Variants in YEATS2 observed in about 807,000 individuals in gnomAD.
YEATS2 encodes YEATS domain-containing protein 2.
Under a neutral mutation model 163.2 loss-of-function variants are expected in YEATS2, and 77 were observed. That is an observed-to-expected ratio of 0.47 (90% CI 0.39 to 0.57). The LOEUF (loss-of-function observed/expected upper bound fraction) is 0.57, where lower values mean the gene tolerates loss of function less well. Ranked by LOEUF, YEATS2 falls within the 20% of genes least tolerant of loss-of-function variation. The probability of loss-of-function intolerance (pLI) is 0.00; values close to 1 mark genes in which losing one functional copy is unlikely to be tolerated. For synonymous variants in YEATS2, 631 were observed against 645.1 expected (o/e 0.98, Z 0.33); for missense variants, 1,549 against 1,729.8 (o/e 0.90, Z 1.85).
At chr3:183,805,771 A>T (rs972692846) in intron 27 of YEATS2, among the ~76,000 whole-genome samples, 1 of 151,912 alleles carries the variant, frequency 6.6e-6, no homozygotes, top group Non-Finnish European at 1.5e-5. Flanking sequence ...CTTGGGTGAC[A>T]GCGCAAAACC....
chr3:183,781,453 G>A (rs192850562), intron 19 of YEATS2, among the ~76,000 whole-genome samples: 73 of 152,308 alleles, frequency 4.8e-4, no homozygotes, highest in Non-Finnish European at 7.6e-4. Flanking sequence ...CCACGTTGGC[G>A]AGGGCGGATC....
At chr3:183,766,932 C>G (rs1351596697) in intron 15 of YEATS2, among the ~76,000 whole-genome samples, 1 of 151,882 alleles carries the variant, frequency 6.6e-6, no homozygotes, top group Non-Finnish European at 1.5e-5. Flanking sequence ...GCCTCAGCCT[C>G]CCAAAGTGTT....
rs558550012 is a variant in YEATS2, at chr3:183,784,989, C to T, written c.2737-1136C>T. On this transcript the variant is annotated intron_variant, in intron 19 of 30. Transcript: ENST00000305135. ...TCGGGAGGCTGAGGCAGGAGAATCG[C>T]TTGAACCCAGGAGGCAGAGGTTGCA... Among the ~76,000 whole-genome samples the T allele has an allele frequency of 1.1e-4, 17 of 151,986 alleles. 1 individual carries two copies. In the East Asian group the frequency reaches 3.3e-3, roughly 29 times the overall value.
chr3:183,803,829 T>C, intron 26 of YEATS2, 158 bp from the exon 27 acceptor site: 1 of 488,282 alleles, frequency 2.0e-6, no homozygotes, highest in Non-Finnish European at 3.3e-6. Flanking sequence ...GAAGTTCGAC[T>C]TTTTTTTTTA....
chr3:183,778,155 A>G (rs2108418917), intron 19 of YEATS2, among the ~76,000 whole-genome samples: 1 of 151,852 alleles, frequency 6.6e-6, no homozygotes, highest in South Asian at 2.1e-4. Flanking sequence ...ATGAACAATA[A>G]AAAATATAGA....
At chr3:183,718,883 C>T (rs561663129) in intron 4 of YEATS2, among the ~76,000 whole-genome samples, 58 of 151,924 alleles carry the variant, frequency 3.8e-4, no homozygotes, top group African/African-American at 5.1e-4. Flanking sequence ...TTAGTAGAGA[C>T]GAGGTTTCAC....
chr3:183,762,014 A>G, intron 14 of YEATS2, 83 bp from the exon 15 acceptor site: 1 of 1,573,750 alleles, frequency 6.4e-7, no homozygotes, highest in Non-Finnish European at 8.7e-7. Flanking sequence ...AATCCCTGCA[A>G]ACGGAGAAGA....
chr3:183,718,908 T>C (rs1286280750), intron 4 of YEATS2, among the ~76,000 whole-genome samples: 1 of 152,114 alleles, frequency 6.6e-6, no homozygotes, highest in East Asian at 1.9e-4. Context: ...TTGACCAGTC[T>C]GTTCTTGAAC....
At chr3:183,801,422 T>C (rs1268101408) in intron 24 of YEATS2, 33 bp from the exon 25 acceptor site, 1 of 1,536,506 alleles carries the variant, frequency 6.5e-7, no homozygotes, top group Non-Finnish European at 8.9e-7. Flanking sequence ...ATGTATTTAA[T>C]TTATTGCCTT....
At chr3:183,703,279 GAA>G (rs957022164) in intron 1 of YEATS2, among the ~76,000 whole-genome samples, 1 of 152,140 alleles carries the variant, frequency 6.6e-6, no homozygotes, top group African/African-American at 2.4e-5. Flanking sequence ...ATGAGTTAAA[GAA>G]AAAGTGATAT....
At chr3:183,807,197 ACAGACTCAGACC>A in intron 28 of YEATS2, 105 bp downstream of exon 28, 1 of 1,008,068 alleles carries the variant, frequency 9.9e-7, no homozygotes, top group South Asian at 1.6e-5. Flanking sequence ...CCTCACAGAC[ACAGACTCAGACC>A]CAGACTCTTC....
chr3:183,780,406 C>G (rs1723455130), intron 19 of YEATS2, among the ~76,000 whole-genome samples: 1 of 152,362 alleles, frequency 6.6e-6, no homozygotes, highest in East Asian at 1.9e-4. Flanking sequence ...GTGGCAGATT[C>G]TCCTGGCGTG....
intron 12 of YEATS2, among the ~76,000 whole-genome samples, chr3:183,758,142 G>C (rs1289163246): frequency 1.3e-5 from 2 of 152,152 alleles, no homozygotes; most frequent in Non-Finnish European, 2.9e-5. Flanking sequence ...CGGATCACCT[G>C]AGGTCAGGAG....
chr3:183,734,691 A>G (rs1718157485), intron 7 of YEATS2, among the ~76,000 whole-genome samples: 2 of 152,218 alleles, frequency 1.3e-5, no homozygotes, highest in Non-Finnish European at 1.5e-5. Flanking sequence ...CAGAAATGTA[A>G]CACAGGGTCT....
intron 9 of YEATS2, among the ~76,000 whole-genome samples, chr3:183,748,791 T>A (rs1007037197): frequency 6.6e-6 from 1 of 151,782 alleles, no homozygotes; most frequent in African/African-American, 2.4e-5. Flanking sequence ...ATAGAGACAG[T>A]GTCTTACTAT....
chr3:183,769,716 CAG>C lies in YEATS2; in HGVS notation c.1948-2586_1948-2585del, dbSNP rs545847957. 6.7e-3 allele frequency among the ~76,000 whole-genome samples: 1,014 copies of C among 152,164 alleles called. 6 individuals are homozygous for C. The highest frequency in any genetic ancestry group is 0.011 in the Non-Finnish European group (780 of 68,018). On this transcript the variant is annotated intron_variant, in intron 15 of 30. Transcript: ENST00000305135. ...TCATTTTATTTATTTATTGTTTAGA[CAG>C]AGTCTTGCTCTGTCGCCAGGCTAGA...
At chr3:183,765,738 G>A (rs1721839252) in intron 15 of YEATS2, among the ~76,000 whole-genome samples, 1 of 152,132 alleles carries the variant, frequency 6.6e-6, no homozygotes, top group Non-Finnish European at 1.5e-5. Context: ...CCTGAGGTCA[G>A]GAGTTCGAGA....
At chr3:183,723,542 C>A (rs1716755605) in intron 5 of YEATS2, among the ~76,000 whole-genome samples, 1 of 152,178 alleles carries the variant, frequency 6.6e-6, no homozygotes, top group Admixed American at 6.5e-5. Flanking sequence ...CAGAACTCTT[C>A]ACTGTTTGGA....
chr3:183,739,345 TC>T (rs1215599155), intron 8 of YEATS2, among the ~76,000 whole-genome samples: 1 of 146,510 alleles, frequency 6.8e-6, no homozygotes, highest in Non-Finnish European at 1.5e-5. Flanking sequence ...ATGAGTGAAC[TC>T]CCATTCACAA....
Sources: gnomAD v4.1 joint callset for allele counts (sites outside exome capture counted in the v4.1 genomes callset) on GRCh38, gnomAD v4.1.1 for gene constraint, MANE v1.5 for transcripts, NCBI Gene and HGNC (gene_info 2026-07-23, HGNC 2026-07-21) for gene names.